Variants in IGF2R observed in about 807,000 individuals in gnomAD.
IGF2R encodes the protein insulin like growth factor 2 receptor.
IGF2R carries 91 observed loss-of-function variants against 270.6 expected under a neutral mutation model. The observed-to-expected ratio is 0.34, with a 90% CI of 0.28 to 0.40. The LOEUF (loss-of-function observed/expected upper bound fraction) is 0.40, where lower values mean the gene tolerates loss of function less well. Among genes scored for constraint, IGF2R ranks in the 10% least tolerant of loss-of-function variants. The probability of loss-of-function intolerance (pLI) is 1.00; values close to 1 mark genes in which losing one functional copy is unlikely to be tolerated. For missense variants in IGF2R, 2,805 were observed against 3,188.3 expected (o/e 0.88, Z 2.90); for synonymous variants, 1,316 against 1,258.9 (o/e 1.05, Z -0.96).
intron 1 of IGF2R, among the ~76,000 whole-genome samples, chr6:159,980,453 T>C (rs1362436667): frequency 6.6e-6 from 1 of 152,160 alleles, no homozygotes; most frequent in African/African-American, 2.4e-5. Context: ...CGGACCTCAC[T>C]GGGACCTCCC....
rs371628678 is a variant in IGF2R at position 160,072,832 on chromosome 6, G to A, written c.4638G>A (p.Gly1546=). Residue 1546 remains glycine, a synonymous_variant, in exon 33 of 48, where the codon GGG becomes GGA. Transcript: ENST00000356956. ...AGFTAAYSEK[G]LVYMSICGEN... The stretch of plus-strand genomic sequence containing the variant: ...TCACAGCTGCTTACAGCGAGAAGGG[G>A]TTGGTTTACATGAGCATCTGTGGGG... 1.9e-5 allele frequency: 30 copies of A among 1,614,086 alleles called. No individual in the cohort carries two copies. Among genetic ancestry groups the A allele is most frequent in the Non-Finnish European group, 2.4e-5 (28 of 1,180,044 alleles).
intron 4 of IGF2R, among the ~76,000 whole-genome samples, chr6:160,016,094 A>G (rs1256134755): frequency 1.3e-5 from 2 of 152,216 alleles, no homozygotes; most frequent in East Asian, 3.9e-4. Flanking sequence ...AACCTAATAC[A>G]GACTGCTTGG....
intron 3 of IGF2R, among the ~76,000 whole-genome samples, chr6:160,009,622 A>G (rs915530318): frequency 6.6e-6 from 1 of 152,314 alleles, no homozygotes; most frequent in South Asian, 2.1e-4. Flanking sequence ...TAAAGGGGAC[A>G]TAATTGTGTA....
intron 39 of IGF2R, among the ~76,000 whole-genome samples, chr6:160,082,727 C>G (rs900618784): frequency 6.6e-6 from 1 of 152,218 alleles, no homozygotes; most frequent in Non-Finnish European, 1.5e-5. Context: ...TGCCAAGGAG[C>G]TGGGTCTATT....
chr6:160,079,516 C>A, intron 37 of IGF2R, 64 bp from the exon 38 acceptor site: 1 of 1,185,108 alleles, frequency 8.4e-7, no homozygotes, highest in Non-Finnish European at 1.1e-6. Flanking sequence ...AATAGTGGTT[C>A]TCTCTTCACT....
At chr6:160,057,930 A>G in intron 20 of IGF2R, 93 bp from the exon 21 acceptor site, 1 of 744,732 alleles carries the variant, frequency 1.3e-6, no homozygotes, top group Non-Finnish European at 2.4e-6. Context: ...TGTCAGGTGC[A>G]TACTTGCAGG....
At chr6:160,027,138 A>G in intron 5 of IGF2R, 47 bp from the exon 6 acceptor site, 1 of 1,609,580 alleles carries the variant, frequency 6.2e-7, no homozygotes, top group Non-Finnish European at 8.5e-7. Context: ...ACGTGTGATT[A>G]TCACTCCTAA....
At chr6:160,046,770 C>A in intron 15 of IGF2R, 125 bp downstream of exon 15, 1 of 1,044,768 alleles carries the variant, frequency 9.6e-7, no homozygotes, top group Non-Finnish European at 1.4e-6. Flanking sequence ...ACTGATGAGA[C>A]CTGGTCTGAA....
At chr6:160,014,002 T>C (rs989988832) in intron 4 of IGF2R, among the ~76,000 whole-genome samples, 10 of 152,232 alleles carry the variant, frequency 6.6e-5, no homozygotes, top group African/African-American at 2.2e-4. Context: ...TTTCTACATC[T>C]TACTAATGTC....
At chr6:160,060,287 C>G (rs1778407263) in intron 22 of IGF2R, among the ~76,000 whole-genome samples, 1 of 152,074 alleles carries the variant, frequency 6.6e-6, no homozygotes, top group Non-Finnish European at 1.5e-5. Flanking sequence ...GCCACCGTTG[C>G]AGTGTGTAAA....
chr6:160,063,622 A>C lies in IGF2R; in HGVS notation c.3878A>C (p.Lys1293Thr). 2 of 1,612,978 alleles carry C rather than the reference A, an allele frequency of 1.2e-6. No homozygotes were observed. The highest frequency in any genetic ancestry group is 1.7e-6 in the Non-Finnish European group (2 of 1,178,908). ...AAGCGGGAACCGCAGGGATTTCACA[A>C]AGTGGCAGGTACCATTGTTTGTCGT... ...QEKREPQGFH[K>T]VAGLLTQKLT... is the part of the protein sequence containing the mutation. The change falls in exon 27 of 48, where the codon AAA (lysine) becomes ACA (threonine). Residue 1293 changes from lysine to threonine, a missense_variant. Lys to Thr is a moderately conservative substitution (Grantham distance 78). This residue lies in a region of IGF2R where 1,851 missense variants were observed against 2,207.2 expected (regional missense o/e 0.84). Coordinates refer to ENST00000356956, the MANE Select transcript of IGF2R (RefSeq NM_000876.4).
At chr6:160,001,035 C>G (rs1562338083) in intron 2 of IGF2R, among the ~76,000 whole-genome samples, 1 of 152,066 alleles carries the variant, frequency 6.6e-6, no homozygotes, top group Non-Finnish European at 1.5e-5. Flanking sequence ...CCACGCCTGG[C>G]CTGGTATGAG....
intron 4 of IGF2R, among the ~76,000 whole-genome samples, chr6:160,015,560 G>A (rs1777271944): frequency 6.6e-6 from 1 of 151,912 alleles, no homozygotes; most frequent in Non-Finnish European, 1.5e-5. Flanking sequence ...TCATGAAACT[G>A]TACCGCAAAG....
chr6:160,001,876 G>A (rs1172899593), intron 2 of IGF2R, among the ~76,000 whole-genome samples: 3 of 152,090 alleles, frequency 2.0e-5, no homozygotes, highest in Non-Finnish European at 2.9e-5. Context: ...CATTTTATAT[G>A]CATTTGACCC....
chr6:160,088,681 C>G (rs1242462087), intron 42 of IGF2R, among the ~76,000 whole-genome samples: 1 of 152,036 alleles, frequency 6.6e-6, no homozygotes, highest in African/African-American at 2.4e-5. Flanking sequence ...CAGAAATTGC[C>G]AAAGGATTTA....
At chr6:160,000,741 T>TG (rs1784116087) in intron 2 of IGF2R, among the ~76,000 whole-genome samples, 1 of 143,090 alleles carries the variant, frequency 7.0e-6, no homozygotes, top group Admixed American at 6.9e-5. Flanking sequence ...TTTTTTTTTT[T>TG]TTTTTTTTTT....
At position 160,043,282 on chromosome 6, in the gene IGF2R, G is replaced by A. The variant is rs1245756536; in HGVS notation, c.1615G>A (p.Ala539Thr). 1 of 1,613,666 alleles carries A rather than the reference G, an allele frequency of 6.2e-7. No individual in the cohort carries two copies. The highest frequency in any genetic ancestry group is 2.2e-5 in the East Asian group (1 of 44,872). Residue 539 changes from alanine to threonine, a missense_variant, in exon 12 of 48, where the codon GCA (alanine) becomes ACA (threonine). Ala to Thr is a moderately conservative substitution (Grantham distance 58, BLOSUM62 0). This residue lies in a region of IGF2R where 954 missense variants were observed against 981.1 expected (regional missense o/e 0.97). Coordinates refer to ENST00000356956, the MANE Select transcript of IGF2R (RefSeq NM_000876.4). ...RGCPEDAAVC[A>T]VDKNGSKNLG... ...GTGTCCCGAGGACGCGGCAGTGTGT[G>A]CAGTGGGTGAGTTGTGCCTGGATGG... is the stretch of plus-strand genomic sequence containing the variant.
chr6:160,030,439 G>C (rs1777669999), intron 7 of IGF2R, among the ~76,000 whole-genome samples: 1 of 152,202 alleles, frequency 6.6e-6, no homozygotes, highest in South Asian at 2.1e-4. Flanking sequence ...CTGGCCTGGT[G>C]TGTGTGGGAT....
intron 4 of IGF2R, among the ~76,000 whole-genome samples, 180 bp from the exon 5 acceptor site, chr6:160,024,392 C>T (rs887437682): frequency 1.3e-5 from 2 of 152,030 alleles, no homozygotes; most frequent in African/African-American, 2.4e-5. Context: ...GAAGAGATAC[C>T]GAAAAGAACG....
Sources: gnomAD v4.1 joint callset for allele counts (sites outside exome capture counted in the v4.1 genomes callset) on GRCh38, gnomAD v4.1.1 for gene constraint, gnomAD v4.1.1 regional missense constraint, MANE v1.5 for transcripts, NCBI Gene and HGNC (gene_info 2026-07-23, HGNC 2026-07-21) for gene names.